MAD1L1: variants seen among roughly 807,000 people sequenced by gnomAD.
MAD1L1 encodes mitotic arrest deficient 1 like 1.
Under a neutral mutation model 96.9 loss-of-function variants are expected in MAD1L1, and 95 were observed. That is an observed-to-expected ratio of 0.98 (90% CI 0.83 to 1.16). MAD1L1 has a LOEUF of 1.16. MAD1L1 is among the 50% of genes most tolerant of loss of function. The pLI, the probability that MAD1L1 is intolerant of heterozygous loss-of-function variation, is 0.00. For synonymous variants in MAD1L1, 473 were observed against 396.6 expected, an observed-to-expected ratio of 1.19 and a Z score of -2.29; for missense variants, 1,007 against 954.4, an observed-to-expected ratio of 1.06 and a Z score of -0.73.
chr7:2,207,961 T>A (rs1279860584), intron 10 of MAD1L1, among the ~76,000 whole-genome samples: 1 of 152,176 alleles, frequency 6.6e-6, no homozygotes, highest in Non-Finnish European at 1.5e-5. Flanking sequence ...GACATCCAGC[T>A]GGTGACCCCT....
At chr7:1,938,840 G>GCACGCA (rs1554300229) in intron 16 of MAD1L1, among the ~76,000 whole-genome samples, 13 of 90,986 alleles carry the variant, frequency 1.4e-4, no homozygotes, top group African/African-American at 5.8e-4. Flanking sequence ...GGGGCCAGAG[G>GCACGCA]CACACACACA....
chr7:2,222,844 C>A, intron 4 of MAD1L1, 90 bp from the exon 5 acceptor site: 2 of 1,118,330 alleles, frequency 1.8e-6, no homozygotes, highest in African/African-American at 1.6e-5. Flanking sequence ...CAGAACATGC[C>A]GAGGCACAAA....
chr7:2,154,576 G>T (rs59373690), intron 10 of MAD1L1, among the ~76,000 whole-genome samples: 5 of 152,034 alleles, frequency 3.3e-5, no homozygotes, highest in Non-Finnish European at 7.4e-5. Flanking sequence ...TTCTGTGCAC[G>T]TAAGAAAATA....
intron 11 of MAD1L1, among the ~76,000 whole-genome samples, chr7:2,099,273 T>A (rs1385884905): frequency 2.0e-5 from 3 of 152,196 alleles, no homozygotes; most frequent in African/African-American, 7.2e-5. Context: ...GCCTGCCCTG[T>A]GCACTCCGGC....
chr7:1,896,603 C>T (rs1236955417), intron 18 of MAD1L1, among the ~76,000 whole-genome samples: 5 of 152,180 alleles, frequency 3.3e-5, no homozygotes, highest in African/African-American at 7.2e-5. Context: ...TATGAAACAC[C>T]GAAAGGAAAC....
At chr7:2,055,043 C>T (rs900631395) in intron 12 of MAD1L1, among the ~76,000 whole-genome samples, 4 of 152,194 alleles carry the variant, frequency 2.6e-5, no homozygotes, top group African/African-American at 7.2e-5. Flanking sequence ...CCTGTGTTCA[C>T]GTACACAGTG....
chr7:2,167,427 T>C (rs1348179213), intron 10 of MAD1L1, among the ~76,000 whole-genome samples: 1 of 152,092 alleles, frequency 6.6e-6, no homozygotes, highest in Non-Finnish European at 1.5e-5. Context: ...CGGGCGCCTG[T>C]AGTCCCAGCT....
intron 11 of MAD1L1, among the ~76,000 whole-genome samples, chr7:2,113,880 G>A (rs1295623914): frequency 1.3e-5 from 2 of 152,198 alleles, no homozygotes; most frequent in Non-Finnish European, 2.9e-5. Context: ...CCGTGCTCTC[G>A]AAGAGGCGGG....
rs979312698 is a variant in MAD1L1 at position 2,088,258 on chromosome 7, C to G, written c.1074-18920G>C. Among the ~76,000 whole-genome samples the G allele has an allele frequency of 4.6e-5, 7 of 152,314 alleles. No homozygotes were observed. Among genetic ancestry groups the G allele is most frequent in the Middle Eastern group, 3.4e-3 (1 of 294 alleles). ...CACACCCCTGCCTGAAACCTGCCGACGGGCCTGTTGCCGCTGGAACACAAT... is the reference window on the plus strand; with the variant it reads ...CACACCCCTGCCTGAAACCTGCCGAGGGGCCTGTTGCCGCTGGAACACAAT... On this transcript the variant is annotated intron_variant, in intron 11 of 18. Coordinates refer to ENST00000265854, the MANE Select transcript of MAD1L1 (RefSeq NM_001013836.2). The surrounding 1 kb of genome is among the most constrained non-coding windows in gnomAD (Gnocchi z 4.4).
At chr7:1,874,669 C>T (rs1785284950) in intron 18 of MAD1L1, 2 of 387,180 alleles carry the variant, frequency 5.2e-6, no homozygotes, top group African/African-American at 2.1e-5. Flanking sequence ...AAGCAGCTCG[C>T]AGCACACCAC....
At chr7:1,856,028 G>A (rs536692084) in intron 18 of MAD1L1, among the ~76,000 whole-genome samples, 4 of 152,306 alleles carry the variant, frequency 2.6e-5, no homozygotes, top group South Asian at 4.1e-4. Flanking sequence ...CGTGGGGTGC[G>A]GTGAGGGAGC....
rs183831837 is a variant in MAD1L1 at position 2,134,064 on chromosome 7, T to C, written c.1073+15088A>G. 2.5e-4 allele frequency among the ~76,000 whole-genome samples: 38 copies of C among 152,346 alleles called. No individual in the cohort carries two copies. In the East Asian group the frequency reaches 5.4e-3, roughly 22 times the overall value. On this transcript the variant is annotated intron_variant, in intron 11 of 18. Coordinates refer to ENST00000265854, the MANE Select transcript of MAD1L1 (RefSeq NM_001013836.2). ...TAGAATCTGTTGATATCCACAAATA[T>C]AACTTGCTGGGATTCTGACTGGGAC...
intron 18 of MAD1L1, chr7:1,829,360 T>C (rs1163267152): frequency 6.6e-6 from 1 of 152,296 alleles, no homozygotes; most frequent in African/African-American, 2.4e-5. Context: ...CCAGCTGCCA[T>C]GCGTGAGCGG....
chr7:2,196,311 T>C (rs936188864), intron 10 of MAD1L1, among the ~76,000 whole-genome samples: 2 of 152,218 alleles, frequency 1.3e-5, no homozygotes, highest in African/African-American at 4.8e-5. Context: ...GAGAACAGGC[T>C]CTGTCTTTAA....
At chr7:1,892,021 G>C (rs899372307) in intron 18 of MAD1L1, among the ~76,000 whole-genome samples, 7 of 152,218 alleles carry the variant, frequency 4.6e-5, no homozygotes, top group Admixed American at 3.9e-4. Context: ...AGCTCGCCCA[G>C]AGCACCCGCC....
intron 18 of MAD1L1, among the ~76,000 whole-genome samples, chr7:1,885,355 G>A (rs1038725231): frequency 1.9e-4 from 29 of 152,148 alleles, no homozygotes; most frequent in Admixed American, 1.9e-3. Flanking sequence ...AAAACCCTGT[G>A]TCCCAGCTCT....
chr7:1,879,299 T>A lies in MAD1L1; in HGVS notation c.1998+18901A>T, dbSNP rs939983986. On this transcript the variant is annotated intron_variant, in intron 18 of 18. Transcript: ENST00000265854. ...GGTAAAACCCCATCTCTACTAAAAA[T>A]AAAAACTTAGCCGGGTGTGGTGGCA... Among the ~76,000 whole-genome samples, 72 of 151,950 alleles carry A rather than the reference T, an allele frequency of 4.7e-4. 1 individual carries two copies. Among genetic ancestry groups the A allele is most frequent in the African/African-American group, 1.7e-3 (71 of 41,438 alleles).
intron 12 of MAD1L1, among the ~76,000 whole-genome samples, chr7:2,016,941 C>T (rs190617410): frequency 3.8e-4 from 58 of 152,390 alleles, no homozygotes; most frequent in Admixed American, 8.5e-4. Context: ...AACGCGCGGA[C>T]GCCGCGCAAG....
intron 12 of MAD1L1, among the ~76,000 whole-genome samples, chr7:2,045,839 G>A (rs1243725894): frequency 6.6e-6 from 1 of 152,182 alleles, no homozygotes; most frequent in Non-Finnish European, 1.5e-5. Context: ...CCTAAGCCTC[G>A]GAGCACATGG....
Sources: gnomAD v4.1 joint callset for allele counts (sites outside exome capture counted in the v4.1 genomes callset) on GRCh38, gnomAD v4.1.1 for gene constraint, Gnocchi (gnomAD v3.1) non-coding constraint, MANE v1.5 for transcripts, NCBI Gene and HGNC (gene_info 2026-07-23, HGNC 2026-07-21) for gene names.